Variants in HNMT observed in about 807,000 individuals in gnomAD.
HNMT encodes histamine N-methyltransferase.
In HNMT, 30 loss-of-function variants were observed where a neutral mutation model predicts 32.1. The ratio of observed to expected loss-of-function variants is 0.93; its 90% CI spans 0.70 to 1.27. The LOEUF is 1.27. Among genes scored for constraint, HNMT ranks in the 50% most tolerant of loss-of-function variants. The pLI, the probability that HNMT is intolerant of heterozygous loss-of-function variation, is 0.00. For missense variants in HNMT, 327 were observed against 346.0 expected (o/e 0.95, Z 0.43); for synonymous variants, 125 against 119.0 (o/e 1.05, Z -0.33).
In HNMT at chr2:137,989,335, CT is replaced by C. The variant is rs559043674; in HGVS notation, c.191-11579del. Among the ~76,000 whole-genome samples the C allele has an allele frequency of 5.9e-5, 9 of 152,226 alleles. No individual in the cohort carries two copies. In the South Asian group the frequency reaches 1.9e-3, roughly 32 times the overall value. On this transcript the variant is annotated intron_variant, in intron 2 of 5. Coordinates refer to ENST00000280097, the MANE Select transcript of HNMT (RefSeq NM_006895.3). The stretch of plus-strand genomic sequence containing the variant: ...TAGTTGAAATCACACAGCATGTAAC[CT>C]TTTCATATTGGCTCCGTTCAGATAG...
Position 137,972,304 on chromosome 2 carries a change from C to T in HNMT, c.190+2087C>T, listed in dbSNP as rs537610144. ...TATTTTTTAGTAGAGAAGGGTTTCA[C>T]CATGTTGGCCAGGCTAGTCTCGAAC... On this transcript the variant is annotated intron_variant, in intron 2 of 5. Coordinates refer to ENST00000280097, the MANE Select transcript of HNMT (RefSeq NM_006895.3). Among the ~76,000 whole-genome samples, 323 of 152,176 alleles carry T rather than the reference C, an allele frequency of 2.1e-3. 1 individual carries two copies. Among genetic ancestry groups the T allele is most frequent in the Non-Finnish European group, 3.9e-3 (266 of 68,002 alleles).
chr2:138,005,865 T>C (rs1325470321), intron 5 of HNMT, among the ~76,000 whole-genome samples: 4 of 152,044 alleles, frequency 2.6e-5, no homozygotes, highest in African/African-American at 9.7e-5. Context: ...GGACAGTATT[T>C]ATTACTTCTT....
At position 138,016,176 on chromosome 2, in the gene HNMT, A is replaced by G. The variant is rs1041113596; in HGVS notation, c.*2046A>G. 2 of 152,124 alleles carry G rather than the reference A, an allele frequency of 1.3e-5. No individual in the cohort carries two copies. The highest frequency in any genetic ancestry group is 4.8e-5 in the African/African-American group (2 of 41,450). 9.4% of individuals were successfully genotyped at this position (152,124 alleles called of 1,614,324 possible). ...CAGCATGAATTTGGAATGTTGTTTT[A>G]TGTATTGTTGTGGATCTCTCAGTGT... On this transcript the variant is annotated 3_prime_UTR_variant, in exon 6 of 6. Transcript: ENST00000280097.
chr2:138,005,318 T>C (rs1321650089), intron 5 of HNMT, 93 bp downstream of exon 5: 8 of 754,068 alleles, frequency 1.1e-5, no homozygotes, highest in East Asian at 1.0e-4. Context: ...ATATTTTGTC[T>C]TCATTATGAA....
intron 1 of HNMT, 44 bp downstream of exon 1, chr2:137,964,672 G>A: frequency 6.2e-7 from 1 of 1,605,438 alleles, no homozygotes. Flanking sequence ...GCCTCAGACT[G>A]GCTGTGCGTC....
intron 4 of HNMT, chr2:138,002,804 A>G (rs1681214982): frequency 3.1e-6 from 3 of 969,336 alleles, no homozygotes; most frequent in Admixed American, 1.2e-4. Context: ...TGATAGCATC[A>G]TAACATATTC....
chr2:138,010,867 C>T (rs1273458777), intron 5 of HNMT, among the ~76,000 whole-genome samples: 5 of 151,840 alleles, frequency 3.3e-5, no homozygotes, highest in Admixed American at 6.6e-5. Flanking sequence ...GATAGCCAAG[C>T]ATCAATTGGG....
chr2:138,009,387 C>T (rs2604461), intron 5 of HNMT, among the ~76,000 whole-genome samples: 35,264 of 151,830 alleles, frequency 0.23, 4,311 homozygotes, highest in South Asian at 0.3. Flanking sequence ...CCCAGCAACC[C>T]TCTTATAGAG....
chr2:138,014,892 A>G lies in HNMT; in HGVS notation c.*762A>G, dbSNP rs1681618179. Reference sequence around the variant, plus strand: ...TTTTTTAAAAAATGAAATCTTTACTATGTTTGAAATTTAGATAAGTATAAA... The same window carrying G: ...TTTTTTAAAAAATGAAATCTTTACTGTGTTTGAAATTTAGATAAGTATAAA... On this transcript the variant is annotated 3_prime_UTR_variant, in exon 6 of 6. Transcript: ENST00000280097. 6.6e-6 allele frequency: 1 copy of G among 152,014 alleles called. No homozygotes were observed. Among genetic ancestry groups the G allele is most frequent in the South Asian group, 2.1e-4 (1 of 4,828 alleles). The allele number at this position is 152,014 out of a possible 1,614,324, so 9.4% of individuals were successfully genotyped here. A position where few individuals can be genotyped will look rare whatever the true frequency, so the allele number is the denominator to read the frequency against.
chr2:137,970,436 T>C (rs978628437), intron 2 of HNMT, among the ~76,000 whole-genome samples: 3 of 152,218 alleles, frequency 2.0e-5, no homozygotes, highest in African/African-American at 7.2e-5. Flanking sequence ...GAATAAGTGA[T>C]GTGACTTGTT....
intron 5 of HNMT, among the ~76,000 whole-genome samples, chr2:138,008,106 CAAT>C (rs1307359736): frequency 6.6e-6 from 1 of 151,894 alleles, no homozygotes. Context: ...ACCCACTACC[CAAT>C]AATAATCTTT....
intron 1 of HNMT, chr2:137,967,272 C>T (rs1258651537): frequency 1.7e-6 from 1 of 605,926 alleles, no homozygotes; most frequent in African/African-American, 1.9e-5. Flanking sequence ...GTTAGCTGAA[C>T]AAGGCGGCAT....
intron 4 of HNMT, among the ~76,000 whole-genome samples, chr2:138,004,195 TATTGATTCAC>T (rs1230513583): frequency 2.6e-5 from 4 of 152,116 alleles, no homozygotes; most frequent in African/African-American, 9.7e-5. Context: ...TTAGCCATCA[TATTGATTCAC>T]TATATTTGGG....
intron 2 of HNMT, among the ~76,000 whole-genome samples, chr2:137,991,151 A>G (rs746489078): frequency 1.3e-5 from 2 of 152,216 alleles, no homozygotes; most frequent in African/African-American, 2.4e-5. Context: ...AAGGTATGAG[A>G]GAAGGTACAC....
intron 5 of HNMT, 139 bp downstream of exon 5, chr2:138,005,364 T>C (rs113989641): frequency 1.1e-5 from 7 of 616,894 alleles, no homozygotes. Flanking sequence ...GCCAATTAAT[T>C]TTCACAGTAT....
intron 2 of HNMT, among the ~76,000 whole-genome samples, chr2:137,973,645 A>C (rs1573644113): frequency 6.6e-6 from 1 of 152,154 alleles, no homozygotes; most frequent in Admixed American, 6.5e-5. Flanking sequence ...CTTTGGTGCA[A>C]ATATTCTCTA....
chr2:137,998,670 G>A (rs1201431050), intron 2 of HNMT, among the ~76,000 whole-genome samples: 1 of 152,124 alleles, frequency 6.6e-6, no homozygotes, highest in Non-Finnish European at 1.5e-5. Flanking sequence ...CAGTGCCCCA[G>A]GGAGAGGGAC....
At chr2:137,989,823 A>G (rs921437400) in intron 2 of HNMT, among the ~76,000 whole-genome samples, 2 of 151,976 alleles carry the variant, frequency 1.3e-5, no homozygotes, top group Non-Finnish European at 2.9e-5. Flanking sequence ...TAATGTTTTA[A>G]TTTGCATTTC....
At chr2:137,981,250 G>A (rs747668200) in intron 2 of HNMT, 2 of 1,613,584 alleles carry the variant, frequency 1.2e-6, no homozygotes, top group African/African-American at 1.3e-5. Context: ...GGGTTCTCAA[G>A]CGGAATTCGT....
Sources: gnomAD v4.1 joint callset for allele counts (sites outside exome capture counted in the v4.1 genomes callset) on GRCh38, gnomAD v4.1.1 for gene constraint, MANE v1.5 for transcripts, NCBI Gene and HGNC (gene_info 2026-07-23, HGNC 2026-07-21) for gene names.